GTF2IRD1: variants seen among roughly 807,000 people sequenced by gnomAD.
GTF2IRD1 encodes general transcription factor II-I repeat domain-containing protein 1.
Under a neutral mutation model 113.2 loss-of-function variants are expected in GTF2IRD1, and 26 were observed. The ratio of observed to expected loss-of-function variants is 0.23; its 90% CI spans 0.17 to 0.32. GTF2IRD1 has a LOEUF of 0.32. Among genes scored for constraint, GTF2IRD1 ranks in the 10% least tolerant of loss-of-function variants. The pLI, the probability that GTF2IRD1 is intolerant of heterozygous loss-of-function variation, is 1.00. For synonymous variants in GTF2IRD1, 484 were observed against 529.1 expected (o/e 0.91, Z 1.17); for missense variants, 864 against 1,280.8 (o/e 0.67, Z 4.97).
At chr7:74,532,157 C>T (rs1554349045) in intron 9 of GTF2IRD1, among the ~76,000 whole-genome samples, 2 of 152,172 alleles carry the variant, frequency 1.3e-5, no homozygotes, top group African/African-American at 4.8e-5. Context: ...CATCTGCCTC[C>T]ACCCCCAATG....
chr7:74,503,932 C>T (rs920944446), intron 1 of GTF2IRD1, among the ~76,000 whole-genome samples: 2 of 152,086 alleles, frequency 1.3e-5, no homozygotes, highest in Admixed American at 1.3e-4. Context: ...TTTTGGAGGC[C>T]TCAGCGTCTG....
chr7:74,518,417 C>T (rs1214455395), intron 5 of GTF2IRD1, 95 bp downstream of exon 5: 1 of 959,232 alleles, frequency 1.0e-6, no homozygotes, highest in African/African-American at 1.6e-5. Context: ...GGGGAAGGGA[C>T]TTGAGATGCC....
chr7:74,499,146 G>A (rs1386417741), intron 1 of GTF2IRD1, among the ~76,000 whole-genome samples: 2 of 152,218 alleles, frequency 1.3e-5, no homozygotes, highest in Non-Finnish European at 1.5e-5. Flanking sequence ...GTGGTGAGGG[G>A]AGGCCACGGA....
chr7:74,586,034 T>C (rs1456829090), intron 22 of GTF2IRD1, among the ~76,000 whole-genome samples: 1 of 152,154 alleles, frequency 6.6e-6, no homozygotes, highest in Non-Finnish European at 1.5e-5. Context: ...CAAGTTTCTT[T>C]ACCTCTCTGA....
At chr7:74,565,153 G>A (rs1297806905) in intron 22 of GTF2IRD1, among the ~76,000 whole-genome samples, 1 of 152,192 alleles carries the variant, frequency 6.6e-6, no homozygotes, top group Non-Finnish European at 1.5e-5. Context: ...GACCCTGGGG[G>A]CTGAACGCCA....
chr7:74,576,634 T>C (rs1801088418), intron 22 of GTF2IRD1, among the ~76,000 whole-genome samples: 1 of 122,384 alleles, frequency 8.2e-6, no homozygotes, highest in Admixed American at 8.0e-5. Context: ...TTTTTTTTTT[T>C]TTTTTTTTTT....
intron 1 of GTF2IRD1, among the ~76,000 whole-genome samples, chr7:74,500,424 A>T (rs1554339135): frequency 1.5e-5 from 2 of 135,740 alleles, no homozygotes; most frequent in South Asian, 2.3e-4. Context: ...CTGTTTTGTT[A>T]AAAAAAAAAA....
At chr7:74,562,037 G>A (rs1245170528) in intron 22 of GTF2IRD1, among the ~76,000 whole-genome samples, 1 of 152,342 alleles carries the variant, frequency 6.6e-6, no homozygotes, top group East Asian at 1.9e-4. Context: ...ACTTACTCAT[G>A]CCACTAGTCA....
chr7:74,601,253 A>G, intron 26 of GTF2IRD1, 73 bp downstream of exon 26: 1 of 1,551,222 alleles, frequency 6.4e-7, no homozygotes, highest in Non-Finnish European at 8.7e-7. Flanking sequence ...AGGGCCGTCT[A>G]CTCTGGGATG....
intron 14 of GTF2IRD1, 127 bp from the exon 15 acceptor site, chr7:74,544,628 G>C: frequency 1.3e-6 from 1 of 783,402 alleles, no homozygotes; most frequent in Non-Finnish European, 2.2e-6. Flanking sequence ...TCCCATTGGA[G>C]TGGGTGCCAT....
At chr7:74,590,787 A>AGACATCTTT in intron 23 of GTF2IRD1, 38 bp from the exon 24 acceptor site, 1 of 1,415,202 alleles carries the variant, frequency 7.1e-7, no homozygotes, top group Non-Finnish European at 9.7e-7. Context: ...CATTGACAGG[A>AGACATCTTT]GACATCTTTC....
chr7:74,457,879 T>G (rs1316841812), intron 1 of GTF2IRD1, among the ~76,000 whole-genome samples: 1 of 144,870 alleles, frequency 6.9e-6, no homozygotes, highest in African/African-American at 2.6e-5. Flanking sequence ...ACGTTTTTGT[T>G]TTTTTTTTTT....
At chr7:74,561,306 G>A (rs1294921245) in intron 22 of GTF2IRD1, among the ~76,000 whole-genome samples, 4 of 148,800 alleles carry the variant, frequency 2.7e-5, no homozygotes, top group Non-Finnish European at 4.4e-5. Flanking sequence ...CCGAGATCGC[G>A]CGACTGCACT....
At chr7:74,505,513 C>G (rs1016233198) in intron 1 of GTF2IRD1, among the ~76,000 whole-genome samples, 3 of 152,214 alleles carry the variant, frequency 2.0e-5, no homozygotes, top group African/African-American at 7.2e-5. Flanking sequence ...TGTGTCCCTC[C>G]CTCCTGGAGT....
intron 10 of GTF2IRD1, 95 bp from the exon 11 acceptor site, chr7:74,536,072 T>C: frequency 1.3e-6 from 1 of 783,680 alleles, no homozygotes; most frequent in Non-Finnish European, 2.2e-6. Context: ...ATCCCCGGGA[T>C]TCCCCCAGCT....
chr7:74,575,897 C>T (rs1801017494), intron 22 of GTF2IRD1, among the ~76,000 whole-genome samples: 1 of 152,068 alleles, frequency 6.6e-6, no homozygotes, highest in Admixed American at 6.6e-5. Context: ...TTAAAACAGG[C>T]CGGGTCCAGT....
At chr7:74,583,152 G>A (rs1801514982) in intron 22 of GTF2IRD1, among the ~76,000 whole-genome samples, 5 of 152,178 alleles carry the variant, frequency 3.3e-5, no homozygotes, top group Middle Eastern at 3.4e-3. Flanking sequence ...GTGTCTGCAC[G>A]TAGTATGTGC....
intron 2 of GTF2IRD1, among the ~76,000 whole-genome samples, chr7:74,509,156 A>G (rs1584553792): frequency 6.6e-6 from 1 of 152,224 alleles, no homozygotes; most frequent in Admixed American, 6.5e-5. Context: ...CAGGAGTTCG[A>G]GACCAGCCTG....
intron 1 of GTF2IRD1, among the ~76,000 whole-genome samples, chr7:74,500,473 T>G (rs1167042183): frequency 1.3e-5 from 2 of 151,546 alleles, no homozygotes; most frequent in Non-Finnish European, 2.9e-5. Context: ...GGTGTGCCAG[T>G]TGGAGAGCTG....
Sources: gnomAD v4.1 joint callset for allele counts (sites outside exome capture counted in the v4.1 genomes callset) on GRCh38, gnomAD v4.1.1 for gene constraint, MANE v1.5 for transcripts, NCBI Gene and HGNC (gene_info 2026-07-23, HGNC 2026-07-21) for gene names.